Variants in ADARB2 observed in about 807,000 individuals in gnomAD.
ADARB2 encodes the protein adenosine deaminase RNA specific B2 (inactive).
A neutral mutation model predicts 62.2 loss-of-function variants in ADARB2; 25 were observed. The ratio of observed to expected loss-of-function variants is 0.40; its 90% confidence interval spans 0.29 to 0.56. The LOEUF (loss-of-function observed/expected upper bound fraction) is 0.56, where lower values mean the gene tolerates loss of function less well. Among genes scored for constraint, ADARB2 ranks in the 20% least tolerant of loss-of-function variants. The pLI is 0.43. For synonymous variants in ADARB2, 572 were observed against 500.8 expected (o/e 1.14, Z -1.90); for missense variants, 1,071 against 1,077.4 (o/e 0.99, Z 0.08).
chr10:1,461,916 C>T (rs549910545), intron 1 of ADARB2, among the ~76,000 whole-genome samples: 14 of 152,294 alleles, frequency 9.2e-5, no homozygotes, highest in Admixed American at 2.0e-4. Context: ...GCAGGAGAAT[C>T]GCTTGAACTG....
At chr10:1,276,131 A>G (rs1831314095) in intron 3 of ADARB2, among the ~76,000 whole-genome samples, 2 of 152,060 alleles carry the variant, frequency 1.3e-5, no homozygotes, top group African/African-American at 4.8e-5. Context: ...CAACAGTGTA[A>G]AAGTGTTCCT....
At chr10:1,552,854 T>G (rs1377257729) in intron 1 of ADARB2, among the ~76,000 whole-genome samples, 1 of 152,198 alleles carries the variant, frequency 6.6e-6, no homozygotes, top group Non-Finnish European at 1.5e-5. Flanking sequence ...TCTTGGCAGG[T>G]ATTTTATTGG....
intron 6 of ADARB2, among the ~76,000 whole-genome samples, chr10:1,218,999 G>A (rs1830657700): frequency 1.4e-5 from 2 of 146,550 alleles, no homozygotes; most frequent in African/African-American, 2.5e-5. Context: ...GCAGTGAGCC[G>A]AGATTGTGCC....
intron 1 of ADARB2, among the ~76,000 whole-genome samples, chr10:1,734,493 A>G (rs929239290): frequency 2.0e-5 from 3 of 152,226 alleles, no homozygotes; most frequent in African/African-American, 4.8e-5. Flanking sequence ...GATAAGAAGC[A>G]TATCATGCCA....
At chr10:1,396,650 T>C (rs1832617292) in intron 1 of ADARB2, among the ~76,000 whole-genome samples, 2 of 144,964 alleles carry the variant, frequency 1.4e-5, no homozygotes, top group African/African-American at 2.6e-5. Flanking sequence ...TGGGTCACTG[T>C]CCTCCTCTCC....
intron 1 of ADARB2, among the ~76,000 whole-genome samples, chr10:1,721,088 C>CAGGAAG (rs1262154575): frequency 4.6e-5 from 7 of 152,202 alleles, no homozygotes; most frequent in African/African-American, 1.7e-4. Context: ...GAAGGAAATG[C>CAGGAAG]AGGAAGAGAT....
At chr10:1,718,975 TTTGTTG>T (rs747322897) in intron 1 of ADARB2, among the ~76,000 whole-genome samples, 7 of 112,012 alleles carry the variant, frequency 6.2e-5, no homozygotes, top group Non-Finnish European at 8.7e-5. Context: ...TTACCTTCTT[TTTGTTG>T]TTGTTGTTGT....
Position 1,704,054 on chromosome 10 carries a change from AACAAACAC to A in ADARB2, c.100+32989_100+32996del, listed in dbSNP as rs1156880368. ...ACCTCAAGAGTTAGTATCTTAAAAG[AACAAACAC>A]TATATCTAACTTCCTGTGGGTCAGG... On this transcript the variant is annotated intron_variant, in intron 1 of 9. Transcript: ENST00000381312. The surrounding 1 kb of genome is among the most constrained non-coding windows in gnomAD (Gnocchi z 5.6). Among the ~76,000 whole-genome samples, 88 of 152,312 alleles carry A rather than the reference AACAAACAC, an allele frequency of 5.8e-4. No individual in the cohort carries two copies. The highest frequency in any genetic ancestry group is 2.6e-4 in the Admixed American group (4 of 15,302).
intron 1 of ADARB2, among the ~76,000 whole-genome samples, chr10:1,621,420 CTT>C (rs575676337): frequency 1.5e-4 from 21 of 144,328 alleles, no homozygotes; most frequent in Non-Finnish European, 9.1e-5. Context: ...TTCTTTCTTT[CTT>C]TTTTTTTTTT....
intron 1 of ADARB2, among the ~76,000 whole-genome samples, chr10:1,569,366 C>A (rs1832905656): frequency 6.6e-6 from 1 of 152,216 alleles, no homozygotes; most frequent in African/African-American, 2.4e-5. Context: ...TGGCACCAGA[C>A]ACACAGCCTG....
chr10:1,403,268 A>ACC (rs953479539), intron 1 of ADARB2, among the ~76,000 whole-genome samples: 6 of 152,074 alleles, frequency 3.9e-5, no homozygotes, highest in Non-Finnish European at 7.4e-5. Context: ...GATTCGTACA[A>ACC]CCCTTGTGAC....
intron 1 of ADARB2, among the ~76,000 whole-genome samples, chr10:1,675,585 C>A (rs1242136527): frequency 1.2e-5 from 1 of 81,244 alleles, no homozygotes; most frequent in Non-Finnish European, 2.5e-5. Flanking sequence ...CAGGGATGCA[C>A]GGAAGTTCTG....
chr10:1,653,509 C>G (rs1250992529), intron 1 of ADARB2, among the ~76,000 whole-genome samples: 1 of 152,096 alleles, frequency 6.6e-6, no homozygotes, highest in Non-Finnish European at 1.5e-5. Flanking sequence ...CCTTGTGTGC[C>G]TGCAGAGCCG....
chr10:1,709,334 A>T lies in ADARB2; in HGVS notation c.100+27717T>A, dbSNP rs147461829. Among the ~76,000 whole-genome samples, 12 of 152,294 alleles carry T rather than the reference A, an allele frequency of 7.9e-5. No individual in the cohort carries two copies. The East Asian group carries it at 2.3e-3, about 29-fold the overall frequency. ...AGAGGGATGTTGTTTAGTCTTGTAA[A>T]ACTGTAGTTATGTCTTCTCTACGTC... On this transcript the variant is annotated intron_variant, in intron 1 of 9. Coordinates refer to ENST00000381312, the MANE Select transcript of ADARB2 (RefSeq NM_018702.4).
chr10:1,623,262 A>C (rs1833728724), intron 1 of ADARB2, among the ~76,000 whole-genome samples: 1 of 152,188 alleles, frequency 6.6e-6, no homozygotes, highest in South Asian at 2.1e-4. Context: ...TCTCAAGAGG[A>C]CGTGAGGCGC....
At chr10:1,418,305 G>A (rs1832822518) in intron 1 of ADARB2, among the ~76,000 whole-genome samples, 1 of 152,216 alleles carries the variant, frequency 6.6e-6, no homozygotes, top group Non-Finnish European at 1.5e-5. Flanking sequence ...TGGGCTCAGG[G>A]TCAGGCCTCG....
chr10:1,488,275 A>G (rs1375322691), intron 1 of ADARB2, among the ~76,000 whole-genome samples: 1 of 151,956 alleles, frequency 6.6e-6, no homozygotes, highest in Non-Finnish European at 1.5e-5. Flanking sequence ...TGCCTTTTAA[A>G]GCACATCCAA....
intron 1 of ADARB2, among the ~76,000 whole-genome samples, chr10:1,416,244 T>C (rs1444574099): frequency 3.3e-5 from 5 of 152,260 alleles, no homozygotes; most frequent in Non-Finnish European, 5.9e-5. Context: ...TACATTTGCA[T>C]GTAAGACAGG....
chr10:1,402,588 GC>G (rs1832674372), intron 1 of ADARB2, among the ~76,000 whole-genome samples: 1 of 152,146 alleles, frequency 6.6e-6, no homozygotes, highest in Non-Finnish European at 1.5e-5. Flanking sequence ...TCAGCCAATG[GC>G]GCACACTGTC....
Sources: gnomAD v4.1 joint callset for allele counts (sites outside exome capture counted in the v4.1 genomes callset) on GRCh38, gnomAD v4.1.1 for gene constraint, Gnocchi (gnomAD v3.1) non-coding constraint, MANE v1.5 for transcripts, NCBI Gene and HGNC (gene_info 2026-07-23, HGNC 2026-07-21) for gene names.